KCNH8: variants seen among roughly 807,000 people sequenced by gnomAD.
KCNH8 encodes the protein potassium voltage-gated channel subfamily H member 8.
Under a neutral mutation model 103.6 loss-of-function variants are expected in KCNH8, and 70 were observed. That is an observed-to-expected ratio of 0.68 (90% CI 0.56 to 0.82). The LOEUF is 0.82. Among genes scored for constraint, KCNH8 ranks in the 40% least tolerant of loss-of-function variants. The pLI, the probability that KCNH8 is intolerant of heterozygous loss-of-function variation, is 0.00. For missense variants in KCNH8, 1,217 were observed against 1,329.9 expected (o/e 0.92, Z 1.32); for synonymous variants, 498 against 489.4 (o/e 1.02, Z -0.23).
chr3:19,449,293 T>A (rs531278384), intron 8 of KCNH8, among the ~76,000 whole-genome samples: 346 of 28,232 alleles, frequency 0.012, 2 homozygotes, highest in Non-Finnish European at 0.017. Context: ...AAGAGTCCCA[T>A]ATATATATAT....
At chr3:19,360,631 A>G (rs558199630) in intron 5 of KCNH8, among the ~76,000 whole-genome samples, 1 of 152,114 alleles carries the variant, frequency 6.6e-6, no homozygotes, top group Non-Finnish European at 1.5e-5. Context: ...CTTTTCCATA[A>G]CAAATATTTT....
intron 7 of KCNH8, among the ~76,000 whole-genome samples, chr3:19,420,808 G>A (rs1212542794): frequency 1.3e-5 from 2 of 152,176 alleles, no homozygotes; most frequent in Non-Finnish European, 1.5e-5. Context: ...GATTCAGAGA[G>A]TTAGAGATAC....
chr3:19,379,424 G>A (rs915905718), intron 5 of KCNH8, among the ~76,000 whole-genome samples: 3 of 152,052 alleles, frequency 2.0e-5, no homozygotes, highest in Admixed American at 1.3e-4. Flanking sequence ...GGCAGATCAC[G>A]AGGCCAGGAG....
At chr3:19,347,065 T>C (rs1012099995) in intron 4 of KCNH8, among the ~76,000 whole-genome samples, 1 of 152,112 alleles carries the variant, frequency 6.6e-6, no homozygotes, top group Non-Finnish European at 1.5e-5. Flanking sequence ...CTTAAGCAAC[T>C]GTTTCTTACT....
At chr3:19,362,384 T>G (rs1574968848) in intron 5 of KCNH8, among the ~76,000 whole-genome samples, 1 of 152,166 alleles carries the variant, frequency 6.6e-6, no homozygotes, top group African/African-American at 2.4e-5. Context: ...TAATGGAGGA[T>G]GAGTTGTTTT....
At chr3:19,423,130 GA>G (rs533985657) in intron 7 of KCNH8, among the ~76,000 whole-genome samples, 1 of 152,006 alleles carries the variant, frequency 6.6e-6, no homozygotes, top group Non-Finnish European at 1.5e-5. Flanking sequence ...TCTAAAGACT[GA>G]AAAGCTTCTC....
chr3:19,458,553 C>T (rs189925979), intron 11 of KCNH8, among the ~76,000 whole-genome samples: 8 of 152,008 alleles, frequency 5.3e-5, no homozygotes, highest in Admixed American at 1.3e-4. Flanking sequence ...GGCTAAATCA[C>T]GCTAATTAAT....
intron 3 of KCNH8, among the ~76,000 whole-genome samples, chr3:19,333,903 A>G (rs2065546214): frequency 6.6e-6 from 1 of 152,148 alleles, no homozygotes; most frequent in African/African-American, 2.4e-5. Flanking sequence ...TCTGGGGCAC[A>G]CTTTTTCCCC....
intron 11 of KCNH8, among the ~76,000 whole-genome samples, chr3:19,472,191 CATTCGTGTGTGTGTGTGT>C (rs1575107654): frequency 8.1e-6 from 1 of 124,178 alleles, no homozygotes; most frequent in East Asian, 2.4e-4. Context: ...TTAATCACTT[CATTCGTGTGTGTGTGTGT>C]GTGTGTGTGT....
intron 1 of KCNH8, among the ~76,000 whole-genome samples, chr3:19,153,804 T>A (rs1229626305): frequency 6.6e-6 from 1 of 151,882 alleles, no homozygotes; most frequent in Non-Finnish European, 1.5e-5. Context: ...GCTAATTTTT[T>A]TGCATTTTTA....
At chr3:19,514,216 T>G (rs2068835740) in intron 13 of KCNH8, among the ~76,000 whole-genome samples, 1 of 151,978 alleles carries the variant, frequency 6.6e-6, no homozygotes. Flanking sequence ...ATAAAGCAAG[T>G]GGTCTTTCTC....
intron 1 of KCNH8, among the ~76,000 whole-genome samples, chr3:19,248,171 G>A (rs182560119): frequency 3.4e-4 from 52 of 152,170 alleles, no homozygotes; most frequent in Admixed American, 1.7e-3. Flanking sequence ...TCAGGCTTAG[G>A]GATATGCTTC....
rs1575185222 is a variant in KCNH8 at position 19,534,910 on chromosome 3, C to A, written c.*811C>A. ...AGTTTGCAACAAATGTATTCTCATG[C>A]TTCTGGATTATAAAAGAAAAGTGAA... is the stretch of plus-strand genomic sequence containing the variant. On this transcript the variant is annotated 3_prime_UTR_variant, in exon 16 of 16. Coordinates refer to ENST00000328405, the MANE Select transcript of KCNH8 (RefSeq NM_144633.3). The A allele has an allele frequency of 6.6e-6, 1 of 152,102 alleles. No homozygotes were observed. The allele number at this position is 152,102 out of a possible 1,614,324, so 9.4% of individuals were successfully genotyped here. A position where few individuals can be genotyped will look rare whatever the true frequency, so the allele number is the denominator to read the frequency against.
At chr3:19,290,517 G>A (rs576385415) in intron 3 of KCNH8, among the ~76,000 whole-genome samples, 1 of 152,126 alleles carries the variant, frequency 6.6e-6, no homozygotes, top group African/African-American at 2.4e-5. Flanking sequence ...TGTGGTTTTT[G>A]TCTTTGGTTC....
chr3:19,253,579 T>C, intron 1 of KCNH8, 75 bp from the exon 2 acceptor site: 1 of 1,172,412 alleles, frequency 8.5e-7, no homozygotes. Context: ...CATATGCTGA[T>C]AATTTATACA....
intron 5 of KCNH8, among the ~76,000 whole-genome samples, chr3:19,368,576 T>G (rs2066043969): frequency 6.6e-6 from 1 of 151,988 alleles, no homozygotes; most frequent in South Asian, 2.1e-4. Flanking sequence ...TAAAGGAAAT[T>G]CATGGCTGGA....
At chr3:19,276,175 ATG>A (rs59768467) in intron 2 of KCNH8, among the ~76,000 whole-genome samples, 6,807 of 141,880 alleles carry the variant, frequency 0.048, 227 homozygotes, top group African/African-American at 0.095. Flanking sequence ...CAATATGTAT[ATG>A]TGTGTGTGTG....
At chr3:19,417,173 A>G (rs1318611131) in intron 7 of KCNH8, among the ~76,000 whole-genome samples, 1 of 148,590 alleles carries the variant, frequency 6.7e-6, no homozygotes, top group East Asian at 1.9e-4. Flanking sequence ...TCTAATATAT[A>G]TTAAATTAGA....
At position 19,349,884 on chromosome 3, in the gene KCNH8, C is replaced by T. The variant is rs60437431; in HGVS notation, c.811+1919C>T. 2.3e-3 allele frequency among the ~76,000 whole-genome samples: 345 copies of T among 152,188 alleles called. 1 individual carries two copies. The highest frequency in any genetic ancestry group is 7.8e-3 in the African/African-American group (324 of 41,550). On this transcript the variant is annotated intron_variant, in intron 5 of 15. Transcript: ENST00000328405. The stretch of plus-strand genomic sequence containing the variant: ...AAGATGGTTCTCCCAGTAGGCAATA[C>T]CCATCCCTTACTAGCTACATGCAAA...
Sources: allele counts gnomAD v4.1 joint callset (sites outside exome capture counted in the v4.1 genomes callset), GRCh38; gene constraint gnomAD v4.1.1; transcripts MANE v1.5; gene names NCBI Gene and HGNC (gene_info 2026-07-23, HGNC 2026-07-21).